The following SLC24A3 variants were observed in gnomAD, a reference collection of about 807,000 sequenced individuals.
The protein encoded by SLC24A3 is sodium/potassium/calcium exchanger 3.
SLC24A3 carries 28 observed loss-of-function variants against 75.8 expected under a neutral mutation model. The ratio of observed to expected loss-of-function variants is 0.37; its 90% confidence interval spans 0.27 to 0.51. The LOEUF (loss-of-function observed/expected upper bound fraction) is 0.51, where lower values mean the gene tolerates loss of function less well. SLC24A3 is among the 20% of genes least tolerant of loss of function. The pLI is 0.94. For missense variants in SLC24A3, 663 were observed against 847.8 expected (o/e 0.78, Z 2.71); for synonymous variants, 372 against 334.1 (o/e 1.11, Z -1.24).
intron 4 of SLC24A3, among the ~76,000 whole-genome samples, chr20:19,580,325 T>A: frequency 6.6e-6 from 1 of 152,172 alleles, no homozygotes; most frequent in Non-Finnish European, 1.5e-5. Context: ...CAACTCCATT[T>A]AGACCTAACT....
chr20:19,475,733 G>A (rs1031936502), intron 2 of SLC24A3, among the ~76,000 whole-genome samples: 31 of 152,098 alleles, frequency 2.0e-4, no homozygotes, highest in African/African-American at 6.5e-4. Context: ...GTGAAGGATG[G>A]AAACTTATTT....
intron 2 of SLC24A3, among the ~76,000 whole-genome samples, chr20:19,342,230 C>T (rs1379495546): frequency 3.3e-5 from 5 of 152,174 alleles, no homozygotes; most frequent in Non-Finnish European, 5.9e-5. Context: ...ATCTGTTCTC[C>T]TGGAGCTTAA....
chr20:19,519,356 G>T (rs571980102), intron 3 of SLC24A3, among the ~76,000 whole-genome samples: 1 of 152,240 alleles, frequency 6.6e-6, no homozygotes, highest in African/African-American at 2.4e-5. Flanking sequence ...TCCCTGTTTT[G>T]TGTGTGCTTT....
chr20:19,632,041 C>T (rs2031940874), intron 6 of SLC24A3, among the ~76,000 whole-genome samples: 1 of 152,140 alleles, frequency 6.6e-6, no homozygotes, highest in Non-Finnish European at 1.5e-5. Flanking sequence ...ATTAAAGACA[C>T]TCACTCCCCA....
At chr20:19,467,404 T>C (rs1325393807) in intron 2 of SLC24A3, among the ~76,000 whole-genome samples, 1 of 152,112 alleles carries the variant, frequency 6.6e-6, no homozygotes, top group Non-Finnish European at 1.5e-5. Context: ...ATATAAAGAA[T>C]AGATTTGGGG....
At chr20:19,280,272 G>A (rs74372551) in intron 1 of SLC24A3, among the ~76,000 whole-genome samples, 2,303 of 152,174 alleles carry the variant, frequency 0.015, 69 homozygotes, top group African/African-American at 0.051. Flanking sequence ...TTCCTAGTTC[G>A]TGCCTTCATC....
chr20:19,594,426 G>A (rs2031423743), intron 6 of SLC24A3, among the ~76,000 whole-genome samples: 1 of 152,232 alleles, frequency 6.6e-6, no homozygotes, highest in Non-Finnish European at 1.5e-5. Flanking sequence ...GTGAATTAAA[G>A]GTGGTTTGTC....
chr20:19,643,910 C>G (rs2032103401), intron 6 of SLC24A3, among the ~76,000 whole-genome samples: 1 of 152,212 alleles, frequency 6.6e-6, no homozygotes, highest in Admixed American at 6.5e-5. Flanking sequence ...CTACATAGCT[C>G]TAGCTACTAA....
intron 1 of SLC24A3, among the ~76,000 whole-genome samples, chr20:19,226,294 T>G (rs1981868046): frequency 6.6e-6 from 1 of 152,168 alleles, no homozygotes; most frequent in African/African-American, 2.4e-5. Flanking sequence ...TGTTTTTCAT[T>G]TTGTATTTCC....
chr20:19,518,642 G>A lies in SLC24A3; in HGVS notation c.348+3078G>A, dbSNP rs1013167852. Among the ~76,000 whole-genome samples the A allele has an allele frequency of 5.9e-5, 9 of 152,334 alleles. No homozygotes were observed. In the South Asian group the frequency reaches 6.2e-4, roughly 11 times the overall value. ...TGTTGGAGAGTGAGAGAATATGAGC[G>A]TGGAGAGACTGACAGGACCTCACAT... On this transcript the variant is annotated intron_variant, in intron 3 of 16. Transcript: ENST00000328041.
At chr20:19,317,796 A>G (rs887228019) in intron 2 of SLC24A3, among the ~76,000 whole-genome samples, 4 of 152,140 alleles carry the variant, frequency 2.6e-5, no homozygotes, top group Non-Finnish European at 4.4e-5. Flanking sequence ...CTCTCTCCTG[A>G]GGAGTGTAAG....
At chr20:19,243,602 GCTT>G (rs1246920934) in intron 1 of SLC24A3, among the ~76,000 whole-genome samples, 1 of 152,200 alleles carries the variant, frequency 6.6e-6, no homozygotes, top group Non-Finnish European at 1.5e-5. Flanking sequence ...AACTTGCAAA[GCTT>G]CTTCTGGTGT....
At chr20:19,393,351 C>T (rs1986397922) in intron 2 of SLC24A3, among the ~76,000 whole-genome samples, 2 of 152,026 alleles carry the variant, frequency 1.3e-5, no homozygotes, top group African/African-American at 4.8e-5. Flanking sequence ...TGCTGGTTTG[C>T]TCAACATACC....
rs2032836179 is a variant in SLC24A3, at chr20:19,698,477, C to T, written c.1607-91C>T. On this transcript the variant is annotated intron_variant, in intron 14 of 16. Coordinates refer to ENST00000328041, the MANE Select transcript of SLC24A3 (RefSeq NM_020689.4). ...GCACATATGTGAGCTTGCAGAACCA[C>T]TCTCTGGCTGTGAGACTAAAGGCTT... is the stretch of plus-strand genomic sequence containing the variant. The T allele has an allele frequency of 3.6e-6, 3 of 835,934 alleles. No homozygotes were observed. The African/African-American group carries it at 5.0e-5, about 14-fold the overall frequency. 51.8% of individuals were successfully genotyped at this position (835,934 alleles called of 1,614,324 possible).
intron 15 of SLC24A3, among the ~76,000 whole-genome samples, chr20:19,716,749 T>A (rs570224833): frequency 2.3e-3 from 350 of 152,108 alleles, no homozygotes; most frequent in African/African-American, 8.1e-3. Flanking sequence ...GGTGTGATGG[T>A]GTGTGCCTGT....
intron 6 of SLC24A3, among the ~76,000 whole-genome samples, chr20:19,608,805 G>C (rs886564622): frequency 6.6e-6 from 1 of 152,104 alleles, no homozygotes; most frequent in South Asian, 2.1e-4. Flanking sequence ...TGATCTGACC[G>C]CTTTAAAAAC....
intron 6 of SLC24A3, among the ~76,000 whole-genome samples, chr20:19,644,115 C>G (rs1184179597): frequency 6.6e-6 from 1 of 152,182 alleles, no homozygotes; most frequent in Non-Finnish European, 1.5e-5. Context: ...AAGCCCCAAA[C>G]AAGTGGTGCT....
chr20:19,502,104 A>T (rs1988392977), intron 2 of SLC24A3, among the ~76,000 whole-genome samples: 1 of 152,158 alleles, frequency 6.6e-6, no homozygotes, highest in East Asian at 1.9e-4. Context: ...GAGCCATAGC[A>T]GTTAGCTTTT....
intron 2 of SLC24A3, among the ~76,000 whole-genome samples, chr20:19,436,585 C>CCT (rs1203296877): frequency 6.6e-6 from 1 of 152,168 alleles, no homozygotes; most frequent in Admixed American, 6.5e-5. Flanking sequence ...CTTCTGGCTG[C>CCT]CTCTCTCATC....
Sources: allele counts gnomAD v4.1 joint callset (sites outside exome capture counted in the v4.1 genomes callset), GRCh38; gene constraint gnomAD v4.1.1; transcripts MANE v1.5; gene names NCBI Gene and HGNC (gene_info 2026-07-23, HGNC 2026-07-21).